The following SLC16A2 variants were observed in gnomAD, a reference collection of about 807,000 sequenced individuals.
The protein encoded by SLC16A2 is solute carrier family 16 member 2.
In SLC16A2, 3 loss-of-function variants were observed where a neutral mutation model predicts 27.2. That is an observed-to-expected ratio of 0.11 (90% CI 0.05 to 0.28). The LOEUF (loss-of-function observed/expected upper bound fraction) is 0.28. Among genes scored for constraint, SLC16A2 ranks in the 10% least tolerant of loss-of-function variants. The pLI is 1.00. For synonymous variants in SLC16A2, 202 were observed against 187.8 expected, an observed-to-expected ratio of 1.08 and a Z score of -0.62; for missense variants, 295 against 458.5, an observed-to-expected ratio of 0.64 and a Z score of 3.26.
At chrX:74,448,302 A>ATTTTTTTTTTTTTTTTTTTTTT (rs144467927) in intron 1 of SLC16A2, among the ~76,000 whole-genome samples, 2 of 64,274 alleles carry the variant, frequency 3.1e-5, no homozygotes, top group Non-Finnish European at 5.5e-5. Flanking sequence ...AATCCTTTGG[A>ATTTTTTTTTTTTTTTTTTTTTT]TTTTTTTTTT....
chrX:74,468,808 T>C (rs1322604633), intron 1 of SLC16A2, among the ~76,000 whole-genome samples: 1 of 112,283 alleles, frequency 8.9e-6, no homozygotes, highest in Admixed American at 9.5e-5. Context: ...CTTAAACATT[T>C]ATCATTTCTT....
Position 74,531,361 on chromosome X carries a change from C to T in SLC16A2, c.1428C>T (p.Tyr476=), listed in dbSNP as rs1177530030. The part of the protein sequence containing the change: ...AGLLRNCFGD[Y]HVAFYFAGVP... ...TACTCCGCAACTGTTTTGGGGACTA[C>T]CATGTGGCCTTCTACTTTGCCGGTG... is the stretch of plus-strand genomic sequence containing the variant. The change falls in exon 6 of 6, where the codon TAC becomes TAT. Residue 476 remains tyrosine (Y), a synonymous_variant. Coordinates refer to ENST00000587091, the MANE Select transcript of SLC16A2 (RefSeq NM_006517.5). 5 of 1,211,717 alleles carry T rather than the reference C, an allele frequency of 4.1e-6. No homozygotes were observed. In the South Asian group the frequency reaches 5.3e-5, roughly 13 times the overall value.
chrX:74,501,219 G>A (rs1200849128), intron 1 of SLC16A2, among the ~76,000 whole-genome samples: 1 of 111,191 alleles, frequency 9.0e-6, no homozygotes, highest in Non-Finnish European at 1.9e-5. Context: ...AAATGGTGAA[G>A]CCAGGCTTCT....
At chrX:74,468,017 A>G (rs1390204040) in intron 1 of SLC16A2, among the ~76,000 whole-genome samples, 1 of 111,790 alleles carries the variant, frequency 8.9e-6, no homozygotes, top group Non-Finnish European at 1.9e-5. Flanking sequence ...ACCTTTCTCT[A>G]CTTTTTGATT....
rs748113496 is a variant in SLC16A2 at position 74,529,431 on chromosome X, C to T, written c.1389C>T (p.Pro463=). 3 of 1,168,953 alleles carry T rather than the reference C, an allele frequency of 2.6e-6. No individual in the cohort carries two copies. The Admixed American group carries it at 7.5e-5, about 29-fold the overall frequency. Reference sequence around the variant, plus strand: ...TGGCCCTGCCAATGATTGCTGGGCCCCCCATTGCAGGTGAGGCTGATATTC... The same window carrying T: ...TGGCCCTGCCAATGATTGCTGGGCCTCCCATTGCAGGTGAGGCTGATATTC... The part of the protein sequence containing the change: ...GMMALPMIAG[P]PIAGLLRNCF... Residue 463 remains proline (P), a synonymous_variant, in exon 5 of 6, where the codon CCC becomes CCT. Coordinates refer to ENST00000587091, the MANE Select transcript of SLC16A2 (RefSeq NM_006517.5).
intron 1 of SLC16A2, among the ~76,000 whole-genome samples, chrX:74,445,330 A>C (rs762407322): frequency 1.8e-5 from 2 of 110,805 alleles, no homozygotes; most frequent in Admixed American, 9.6e-5. Flanking sequence ...AATAAAAATT[A>C]AGCAATGGAT....
chrX:74,423,448 T>C (rs1237974704), intron 1 of SLC16A2, among the ~76,000 whole-genome samples: 1 of 111,978 alleles, frequency 8.9e-6, no homozygotes, highest in Non-Finnish European at 1.9e-5. Flanking sequence ...CCAGGACTTG[T>C]GGTTTTAGTT....
intron 1 of SLC16A2, among the ~76,000 whole-genome samples, chrX:74,503,817 C>T (rs1211022745): frequency 8.9e-6 from 1 of 111,995 alleles, no homozygotes; most frequent in East Asian, 2.8e-4. Flanking sequence ...GATTGGATGC[C>T]AACTCTACCA....
chrX:74,465,041 G>A lies in SLC16A2; in HGVS notation c.430+42974G>A, dbSNP rs183431145. On this transcript the variant is annotated intron_variant, in intron 1 of 5. Coordinates refer to ENST00000587091, the MANE Select transcript of SLC16A2 (RefSeq NM_006517.5). ...ATCTCCAGTACTAGGCCAGCCTATG[G>A]CCAGCAAACAGCTGTTGTTTCAGGA... is the stretch of plus-strand genomic sequence containing the variant. Among the ~76,000 whole-genome samples, 7 of 111,976 alleles carry A rather than the reference G, an allele frequency of 6.3e-5. No homozygotes were observed. The East Asian group carries it at 2.0e-3, about 32-fold the overall frequency.
chrX:74,422,721 C>A (rs1032502087), intron 1 of SLC16A2, among the ~76,000 whole-genome samples: 1 of 112,190 alleles, frequency 8.9e-6, no homozygotes, highest in Non-Finnish European at 1.9e-5. Context: ...GCCCGGCAGT[C>A]CTCTGCCGCC....
chrX:74,460,615 T>G (rs1373032350), intron 1 of SLC16A2, among the ~76,000 whole-genome samples: 1 of 112,182 alleles, frequency 8.9e-6, no homozygotes, highest in Non-Finnish European at 1.9e-5. Flanking sequence ...GTACCCAGGG[T>G]CTAGCCTTGG....
At chrX:74,448,239 CT>C (rs1353352183) in intron 1 of SLC16A2, among the ~76,000 whole-genome samples, 1 of 107,472 alleles carries the variant, frequency 9.3e-6, no homozygotes, top group Non-Finnish European at 1.9e-5. Context: ...TTTAAACAAT[CT>C]TATCAGGTGA....
At chrX:74,473,728 A>G in intron 1 of SLC16A2, 1 of 949,316 alleles carries the variant, frequency 1.1e-6, no homozygotes, top group Admixed American at 2.2e-5. Context: ...GTGGCCTTGC[A>G]TTCATGGCTG....
At chrX:74,481,552 C>G (rs1000069583) in intron 1 of SLC16A2, among the ~76,000 whole-genome samples, 1 of 110,000 alleles carries the variant, frequency 9.1e-6, no homozygotes, top group African/African-American at 3.3e-5. Flanking sequence ...ATACTGATGT[C>G]TCCTCTTTAT....
chrX:74,497,914 G>A (rs1157493747), intron 1 of SLC16A2, among the ~76,000 whole-genome samples: 3 of 110,673 alleles, frequency 2.7e-5, no homozygotes, highest in Non-Finnish European at 3.8e-5. Context: ...TATATTTAAT[G>A]TGTTCAGTGA....
intron 1 of SLC16A2, among the ~76,000 whole-genome samples, chrX:74,515,668 C>T (rs1930307672): frequency 9.0e-6 from 1 of 111,626 alleles, no homozygotes; most frequent in African/African-American, 3.3e-5. Flanking sequence ...CACACACACA[C>T]ATCTTGAAAA....
intron 1 of SLC16A2, among the ~76,000 whole-genome samples, chrX:74,428,581 A>T (rs1163574255): frequency 9.0e-6 from 1 of 111,017 alleles, no homozygotes; most frequent in Non-Finnish European, 1.9e-5. Context: ...CTCCTGCCAG[A>T]GTCACAGGCC....
At position 74,531,433 on chromosome X, in the gene SLC16A2, G is replaced by A; in HGVS notation, c.1500G>A (p.Met500Ile). 8.3e-7 allele frequency: 1 copy of A among 1,210,768 alleles called. No homozygotes were observed. The highest frequency in any genetic ancestry group is 1.1e-6 in the Non-Finnish European group (1 of 894,557). The change falls in exon 6 of 6, where the codon ATG (methionine) becomes ATA (isoleucine). Residue 500 changes from methionine (M) to isoleucine (I), a missense_variant. Transcript: ENST00000587091. ...TAATCCTCTTCTTCGTCCCTCTGAT[G>A]CATCAAAGGATGTTCAAGAAAGAGC... is the stretch of plus-strand genomic sequence containing the variant. The part of the protein sequence containing the change: ...GAVILFFVPL[M>I]HQRMFKKEQR...
intron 1 of SLC16A2, among the ~76,000 whole-genome samples, chrX:74,505,918 A>T (rs926585727): frequency 1.8e-5 from 2 of 111,708 alleles, no homozygotes; most frequent in Non-Finnish European, 3.8e-5. Flanking sequence ...TCATTTTGGT[A>T]CTTGTTTCTT....
Sources: gnomAD v4.1 joint callset for allele counts (sites outside exome capture counted in the v4.1 genomes callset) on GRCh38, gnomAD v4.1.1 for gene constraint, MANE v1.5 for transcripts, NCBI Gene and HGNC (gene_info 2026-07-23, HGNC 2026-07-21) for gene names.